CRYBG1: variants seen among roughly 807,000 people sequenced by gnomAD.
The protein encoded by CRYBG1 is crystallin beta-gamma domain containing 1.
Under a neutral mutation model 189.2 loss-of-function variants are expected in CRYBG1, and 139 were observed. That is an observed-to-expected ratio of 0.73 (90% CI 0.64 to 0.85). CRYBG1 has a LOEUF of 0.85. Ranked by LOEUF, CRYBG1 falls within the 40% of genes least tolerant of loss-of-function variation. The pLI is 0.00. For synonymous variants in CRYBG1, 1,023 were observed against 1,017.1 expected (o/e 1.01, Z -0.11); for missense variants, 2,611 against 2,675.8 (o/e 0.98, Z 0.53).
intron 2 of CRYBG1, among the ~76,000 whole-genome samples, chr6:106,466,981 A>G (rs1582779251): frequency 6.6e-6 from 1 of 152,240 alleles, no homozygotes; most frequent in East Asian, 1.9e-4. Flanking sequence ...TTGAAAGCAG[A>G]TGGGAACTGA....
chr6:106,570,753 C>T lies in CRYBG1; in HGVS notation c.*2187C>T, dbSNP rs980324342. 4 of 152,124 alleles carry T rather than the reference C, an allele frequency of 2.6e-5. No homozygotes were observed. Among genetic ancestry groups the T allele is most frequent in the African/African-American group, 9.7e-5 (4 of 41,422 alleles). 9.4% of individuals were successfully genotyped at this position (152,124 alleles called of 1,614,324 possible). ...CAGCTGGTATTTACACCTGGAAAAT[C>T]AGATTTTTTTTTCTTTTGCAATAAC... is the stretch of plus-strand genomic sequence containing the variant. On this transcript the variant is annotated 3_prime_UTR_variant, in exon 22 of 22. Transcript: ENST00000633556.
intron 1 of CRYBG1, among the ~76,000 whole-genome samples, chr6:106,433,769 ATATG>A (rs59553817): frequency 0.11 from 7,530 of 66,828 alleles, 790 homozygotes; most frequent in African/African-American, 0.15. Flanking sequence ...GTATATATAT[ATATG>A]TATATATATA....
intron 2 of CRYBG1, among the ~76,000 whole-genome samples, chr6:106,460,550 G>T (rs1771989575): frequency 6.6e-6 from 1 of 152,026 alleles, no homozygotes. Context: ...TGTTTATGGG[G>T]GTGGGGAATT....
At chr6:106,432,203 C>T (rs1458759498) in intron 1 of CRYBG1, among the ~76,000 whole-genome samples, 1 of 152,136 alleles carries the variant, frequency 6.6e-6, no homozygotes, top group African/African-American at 2.4e-5. Flanking sequence ...ACTGTCAATG[C>T]GAAGAGGAGT....
intron 2 of CRYBG1, among the ~76,000 whole-genome samples, chr6:106,475,731 G>A (rs1434311051): frequency 6.6e-6 from 1 of 152,194 alleles, no homozygotes; most frequent in South Asian, 2.1e-4. Context: ...ACAGATGGTA[G>A]GATTAAATCT....
At chr6:106,392,317 AG>A (rs1018195903) in intron 1 of CRYBG1, among the ~76,000 whole-genome samples, 1 of 152,178 alleles carries the variant, frequency 6.6e-6, no homozygotes, top group African/African-American at 2.4e-5. Flanking sequence ...ATCTTGAAAA[AG>A]GCAACCGAAT....
At chr6:106,547,348 T>C (rs780647112) in intron 13 of CRYBG1, among the ~76,000 whole-genome samples, 2 of 152,232 alleles carry the variant, frequency 1.3e-5, no homozygotes, top group African/African-American at 4.8e-5. Context: ...TTGTATTATG[T>C]CCTCAAAGAA....
Position 106,512,424 on chromosome 6 carries a change from A to T in CRYBG1, c.1307A>T (p.Glu436Val). ...KSTDSPGADA[E>V]LPESAARDDA... ...ACCGACTCCCCCGGCGCGGACGCCG[A>T]GCTCCCTGAGAGCGCTGCCAGGGAC... is the stretch of plus-strand genomic sequence containing the variant. The change falls in exon 3 of 22, where the codon GAG becomes GTG. Residue 436 changes from glutamate (E) to valine (V), a missense_variant. Around this residue, in one of 3 missense-constraint regions of CRYBG1, gnomAD observed 985 missense variants for 924.4 expected, o/e 1.07. Coordinates refer to ENST00000633556, the MANE Select transcript of CRYBG1 (RefSeq NM_001371242.2). 1 of 1,609,178 alleles carries T rather than the reference A, an allele frequency of 6.2e-7. No homozygotes were observed. Among genetic ancestry groups the T allele is most frequent in the South Asian group, 1.1e-5 (1 of 90,410 alleles).
chr6:106,561,568 T>A (rs1562120828), intron 20 of CRYBG1, 68 bp downstream of exon 20: 6 of 1,512,962 alleles, frequency 4.0e-6, no homozygotes, highest in Non-Finnish European at 5.3e-6. Context: ...TTTCATATGC[T>A]TTTGATCTTT....
At chr6:106,419,824 A>C (rs1771091690) in intron 1 of CRYBG1, among the ~76,000 whole-genome samples, 1 of 152,214 alleles carries the variant, frequency 6.6e-6, no homozygotes, top group African/African-American at 2.4e-5. Context: ...GCAGGAAAAA[A>C]ATCATCTGAG....
intron 1 of CRYBG1, among the ~76,000 whole-genome samples, chr6:106,390,868 T>C (rs576174719): frequency 1.5e-4 from 23 of 152,314 alleles, no homozygotes; most frequent in Middle Eastern, 3.4e-3. Context: ...TGAGAAAAGG[T>C]CCTATGAACA....
Position 106,482,591 on chromosome 6 carries a change from C to T in CRYBG1, c.313-28839C>T, listed in dbSNP as rs1371733215. Among the ~76,000 whole-genome samples the T allele has an allele frequency of 7.2e-5, 11 of 152,022 alleles. No homozygotes were observed. The East Asian group carries it at 7.8e-4, about 11-fold the overall frequency. On this transcript the variant is annotated intron_variant, in intron 2 of 21. Coordinates refer to ENST00000633556, the MANE Select transcript of CRYBG1 (RefSeq NM_001371242.2). ...GAGATCGAGACCATCCTGGCTAACACCGTGAAACCCCGTCTCTACTAAAAA... is the reference window on the plus strand; with the variant it reads ...GAGATCGAGACCATCCTGGCTAACATCGTGAAACCCCGTCTCTACTAAAAA...
intron 1 of CRYBG1, among the ~76,000 whole-genome samples, chr6:106,416,819 A>G (rs1172454858): frequency 6.6e-6 from 1 of 152,180 alleles, no homozygotes; most frequent in Non-Finnish European, 1.5e-5. Context: ...TAAAAAGAAC[A>G]GTGTATAGTC....
At chr6:106,537,068 A>G (rs983085843) in intron 8 of CRYBG1, among the ~76,000 whole-genome samples, 2 of 152,182 alleles carry the variant, frequency 1.3e-5, no homozygotes, top group Non-Finnish European at 2.9e-5. Flanking sequence ...GCATTCATTC[A>G]TGTTTTCGGT....
Position 106,521,180 on chromosome 6 carries a change from G to C in CRYBG1, c.3972G>C (p.Leu1324Phe). ...FNSSSTSHSS[L>F]KSPSHMEKYP... ...CGTCAAGTACATCACACTCCAGTTT[G>C]AAAAGTCCAAGCCACATGGAAAAAT... Residue 1324 changes from leucine to phenylalanine, a missense_variant, in exon 4 of 22, where the codon TTG (leucine) becomes TTC (phenylalanine). Transcript: ENST00000633556. 6.2e-7 allele frequency: 1 copy of C among 1,614,108 alleles called. No individual in the cohort carries two copies. The highest frequency in any genetic ancestry group is 8.5e-7 in the Non-Finnish European group (1 of 1,180,022).
chr6:106,469,370 C>T (rs62420844), intron 2 of CRYBG1, among the ~76,000 whole-genome samples: 26,987 of 152,178 alleles, frequency 0.18, 2,518 homozygotes, highest in South Asian at 0.25. Context: ...TCTTTCTCTT[C>T]TACAATATAA....
chr6:106,478,142 A>AG (rs1420095307), intron 2 of CRYBG1, among the ~76,000 whole-genome samples: 1 of 152,244 alleles, frequency 6.6e-6, no homozygotes, highest in Non-Finnish European at 1.5e-5. Flanking sequence ...GGAAGATTTC[A>AG]GGATAATCCC....
At chr6:106,472,739 T>TAAAA (rs34089235) in intron 2 of CRYBG1, among the ~76,000 whole-genome samples, 329 of 144,716 alleles carry the variant, frequency 2.3e-3, no homozygotes, top group African/African-American at 8.2e-3. Flanking sequence ...CACAAAATAT[T>TAAAA]AAAAAAAAAA....
Position 106,361,018 on chromosome 6 carries a change from C to T in CRYBG1, c.110C>T (p.Pro37Leu), listed in dbSNP as rs1012293036. ...TGGCGCTCCAAAAAGAAGCAGCAGCCGGCGCCGCCTGACTGTGGGGTGTTC... is the reference window on the plus strand; with the variant it reads ...TGGCGCTCCAAAAAGAAGCAGCAGCTGGCGCCGCCTGACTGTGGGGTGTTC... ...HLWRSKKKQQ[P>L]APPDCGVFVP... is the part of the protein sequence containing the mutation. The change falls in exon 1 of 22, where the codon CCG becomes CTG. Residue 37 changes from proline (P) to leucine (L), a missense_variant. Physicochemically the swap from Pro to Leu is moderately conservative, Grantham distance 98. Around this residue, in one of 3 missense-constraint regions of CRYBG1, gnomAD observed 985 missense variants for 924.4 expected, o/e 1.07. Transcript: ENST00000633556. The T allele has an allele frequency of 2.0e-6, 3 of 1,535,176 alleles. No individual in the cohort carries two copies. The highest frequency in any genetic ancestry group is 1.7e-6 in the Non-Finnish European group (2 of 1,146,630).
Sources: gnomAD v4.1 joint callset for allele counts (sites outside exome capture counted in the v4.1 genomes callset) on GRCh38, gnomAD v4.1.1 for gene constraint, gnomAD v4.1.1 regional missense constraint, MANE v1.5 for transcripts, NCBI Gene and HGNC (gene_info 2026-07-23, HGNC 2026-07-21) for gene names.